The following PDE4D variants were observed in gnomAD, a reference collection of about 807,000 sequenced individuals.
PDE4D encodes phosphodiesterase 4D, also known as 3',5'-cyclic-AMP phosphodiesterase 4D.
A neutral mutation model predicts 87.4 loss-of-function variants in PDE4D; 24 were observed. The ratio of observed to expected loss-of-function variants is 0.27; its 90% confidence interval spans 0.20 to 0.39. The LOEUF (loss-of-function observed/expected upper bound fraction) is 0.39. Among genes scored for constraint, PDE4D ranks in the 10% least tolerant of loss-of-function variants. The probability of loss-of-function intolerance (pLI) is 1.00; values close to 1 mark genes in which losing one functional copy is unlikely to be tolerated. For synonymous variants in PDE4D, 384 were observed against 383.2 expected (o/e 1.00, Z -0.02); for missense variants, 714 against 1,041.0 (o/e 0.69, Z 4.32).
rs78647647 is a variant in PDE4D, at chr5:59,685,532, T to C, written c.455+207636A>G. 4.6e-3 allele frequency among the ~76,000 whole-genome samples: 700 copies of C among 152,242 alleles called. 5 individuals carry two copies. Among genetic ancestry groups the C allele is most frequent in the African/African-American group, 0.016 (665 of 41,554 alleles). On this transcript the variant is annotated intron_variant, in intron 1 of 14. Coordinates refer to ENST00000340635, the MANE Select transcript of PDE4D (RefSeq NM_001104631.2). ...CCTGTTTGTTAGGCACTGAAAAAAT[T>C]TTCCCTGTTTGAAAGCAGAAAAACA...
At chr5:59,580,443 T>C (rs1003623326) in intron 1 of PDE4D, among the ~76,000 whole-genome samples, 2 of 152,176 alleles carry the variant, frequency 1.3e-5, no homozygotes, top group African/African-American at 4.8e-5. Flanking sequence ...GATTTTGGCA[T>C]GTCATTGTCA....
intron 2 of PDE4D, among the ~76,000 whole-genome samples, chr5:59,999,836 T>C (rs1183488967): frequency 6.6e-6 from 1 of 151,972 alleles, no homozygotes; most frequent in Non-Finnish European, 1.5e-5. Context: ...GACAGAAAAC[T>C]AAATGAAATT....
intron 1 of PDE4D, among the ~76,000 whole-genome samples, chr5:60,440,829 T>A (rs1745147961): frequency 6.6e-6 from 1 of 152,058 alleles, no homozygotes; most frequent in Non-Finnish European, 1.5e-5. Flanking sequence ...TATCCCCATT[T>A]TTCACCGAGG....
At chr5:60,466,315 A>G (rs75182682) in intron 1 of PDE4D, among the ~76,000 whole-genome samples, 4,171 of 152,304 alleles carry the variant, frequency 0.027, 89 homozygotes, top group Middle Eastern at 0.089. Flanking sequence ...GATAAAGTAA[A>G]TAAGGATTTA....
chr5:60,417,119 C>A (rs542846646), intron 1 of PDE4D, among the ~76,000 whole-genome samples: 20 of 152,298 alleles, frequency 1.3e-4, no homozygotes, highest in Admixed American at 4.6e-4. Flanking sequence ...GTTTGGGCAA[C>A]CAGATTTTAA....
intron 1 of PDE4D, among the ~76,000 whole-genome samples, chr5:59,430,999 A>G (rs1164967058): frequency 6.6e-6 from 1 of 152,134 alleles, no homozygotes; most frequent in Non-Finnish European, 1.5e-5. Context: ...GTGGGTTCTT[A>G]TTCATAAATT....
At chr5:59,093,921 T>G (rs1483660397) in intron 5 of PDE4D, among the ~76,000 whole-genome samples, 1 of 151,874 alleles carries the variant, frequency 6.6e-6, no homozygotes, top group Non-Finnish European at 1.5e-5. Context: ...CATATACCAT[T>G]AAAAAGGAGA....
chr5:59,020,080 G>A (rs1040823835), intron 6 of PDE4D, among the ~76,000 whole-genome samples: 3 of 152,084 alleles, frequency 2.0e-5, no homozygotes, highest in Admixed American at 1.3e-4. Context: ...ACCTCCTAAC[G>A]ATTTATTTTC....
chr5:59,194,430 T>G (rs1745003631), intron 2 of PDE4D, among the ~76,000 whole-genome samples: 1 of 152,150 alleles, frequency 6.6e-6, no homozygotes, highest in South Asian at 2.1e-4. Context: ...TTTCGCTCAC[T>G]CATGAACAAT....
At chr5:59,228,488 G>C (rs113558072) in intron 1 of PDE4D, among the ~76,000 whole-genome samples, 1 of 151,304 alleles carries the variant, frequency 6.6e-6, no homozygotes, top group Non-Finnish European at 1.5e-5. Context: ...GTAGTGTTGC[G>C]GGGTGTTTCT....
chr5:60,293,369 C>T (rs113967820), intron 1 of PDE4D, among the ~76,000 whole-genome samples: 9,174 of 151,978 alleles, frequency 0.06, 916 homozygotes, highest in African/African-American at 0.21. Flanking sequence ...AAAAAATTCG[C>T]CTAGCATGGT....
In PDE4D at chr5:60,394,349, T is replaced by C. The variant is rs563856061; in HGVS notation, c.-90+93593A>G. Among the ~76,000 whole-genome samples the C allele has an allele frequency of 3.9e-5, 6 of 152,318 alleles. No individual in the cohort carries two copies. The East Asian group carries it at 1.2e-3, about 29-fold the overall frequency. ...TATAGTGGCAGCTCTTGCCTCCTTT[T>C]AAAGTTTTCTCCCCATAACTTGGGT... On this transcript the variant is annotated intron_variant, in intron 1 of 16. Coordinates refer to the PDE4D transcript ENST00000502484.
chr5:59,225,301 A>T (rs757257738), intron 1 of PDE4D, among the ~76,000 whole-genome samples: 3 of 152,190 alleles, frequency 2.0e-5, no homozygotes, highest in Non-Finnish European at 2.9e-5. Flanking sequence ...CTTGTCAAAG[A>T]TCAGTTGACT....
intron 5 of PDE4D, among the ~76,000 whole-genome samples, chr5:59,065,892 C>T (rs1763854893): frequency 6.6e-6 from 1 of 152,064 alleles, no homozygotes; most frequent in African/African-American, 2.4e-5. Context: ...GGTAACTAGA[C>T]CTTCTTTAAT....
chr5:59,885,016 TATGA>T, intron 1 of PDE4D, among the ~76,000 whole-genome samples: 1 of 152,138 alleles, frequency 6.6e-6, no homozygotes, highest in East Asian at 1.9e-4. Context: ...TTTATTATAG[TATGA>T]ATGAAGTAAT....
At chr5:59,712,425 TA>T (rs1754340374) in intron 1 of PDE4D, among the ~76,000 whole-genome samples, 2 of 130,752 alleles carry the variant, frequency 1.5e-5, no homozygotes, top group African/African-American at 2.6e-5. Context: ...TATATATATA[TA>T]TATTTAAGTT....
At chr5:59,425,498 G>A (rs1230829785) in intron 1 of PDE4D, among the ~76,000 whole-genome samples, 1 of 152,066 alleles carries the variant, frequency 6.6e-6, no homozygotes, top group Non-Finnish European at 1.5e-5. Context: ...ATTGCCAAAT[G>A]TCCCCTGCAT....
intron 3 of PDE4D, among the ~76,000 whole-genome samples, chr5:59,941,285 T>TC: frequency 6.6e-6 from 1 of 152,332 alleles, no homozygotes; most frequent in Admixed American, 6.5e-5. Flanking sequence ...ATTCAGCTGT[T>TC]CAACTCCACT....
At chr5:60,354,107 G>T (rs940142979) in intron 1 of PDE4D, among the ~76,000 whole-genome samples, 1 of 152,128 alleles carries the variant, frequency 6.6e-6, no homozygotes, top group Non-Finnish European at 1.5e-5. Context: ...TATGAAAAAT[G>T]TTCCAAATCA....
Sources: allele counts gnomAD v4.1 joint callset (sites outside exome capture counted in the v4.1 genomes callset), GRCh38; gene constraint gnomAD v4.1.1; transcripts MANE v1.5; gene names NCBI Gene and HGNC (gene_info 2026-07-23, HGNC 2026-07-21).